Variants in ZBTB20 observed in about 807,000 individuals in gnomAD.
ZBTB20 encodes the protein zinc finger and BTB domain containing 20, also known as zinc finger and BTB domain-containing protein 20.
In ZBTB20, 9 loss-of-function variants were observed where a neutral mutation model predicts 56.9. The ratio of observed to expected loss-of-function variants is 0.16; its 90% CI spans 0.10 to 0.28. The LOEUF (loss-of-function observed/expected upper bound fraction) is 0.28, where lower values mean the gene tolerates loss of function less well. Among genes scored for constraint, ZBTB20 ranks in the 10% least tolerant of loss-of-function variants. ZBTB20 has a pLI of 1.00. For synonymous variants in ZBTB20, 417 were observed against 420.7 expected (o/e 0.99, Z 0.11); for missense variants, 655 against 1,003.0 (o/e 0.65, Z 4.69).
intron 2 of ZBTB20, among the ~76,000 whole-genome samples, chr3:115,014,282 G>C (rs772549540): frequency 6.6e-6 from 1 of 151,500 alleles, no homozygotes; most frequent in African/African-American, 2.4e-5. Context: ...TTTGGGGTAG[G>C]GGGAGAAGTG....
chr3:114,885,207 C>T (rs2948671), intron 4 of ZBTB20, among the ~76,000 whole-genome samples: 131,763 of 152,178 alleles, frequency 0.87, 58,076 homozygotes, highest in East Asian at 0.99. Context: ...TCCTCCCTTG[C>T]CACAGCTACT....
At chr3:114,792,031 C>G (rs2070993935) in intron 5 of ZBTB20, 1 of 152,056 alleles carries the variant, frequency 6.6e-6, no homozygotes, top group African/African-American at 2.4e-5. Context: ...GTGTAACACT[C>G]TTTATTGTTC....
chr3:114,347,077 GT>G lies in ZBTB20; in HGVS notation c.1804+3196del, dbSNP rs59044965. On this transcript the variant is annotated intron_variant, in intron 11 of 11. Coordinates refer to ENST00000675478, the MANE Select transcript of ZBTB20 (RefSeq NM_001348800.3). ...GAATCTTATAATTTATTCTCTTCAG[GT>G]TTTTTTTTTTTTTTTTTTTTTTTTT... Among the ~76,000 whole-genome samples, 408 of 70,740 alleles carry G rather than the reference GT, an allele frequency of 5.8e-3. 1 individual carries two copies. Among genetic ancestry groups the G allele is most frequent in the Middle Eastern group, 0.02 (2 of 102 alleles). 46.4% of individuals were successfully genotyped at this position (70,740 alleles called of 152,430 possible).
At chr3:114,699,816 C>T (rs1007017587) in intron 5 of ZBTB20, among the ~76,000 whole-genome samples, 1 of 152,046 alleles carries the variant, frequency 6.6e-6, no homozygotes, top group Non-Finnish European at 1.5e-5. Flanking sequence ...ACCTGTTCTT[C>T]TTCATTTTAT....
At chr3:114,558,610 T>C (rs1209555239) in intron 6 of ZBTB20, among the ~76,000 whole-genome samples, 3 of 152,124 alleles carry the variant, frequency 2.0e-5, no homozygotes, top group South Asian at 2.1e-4. Flanking sequence ...ACTTTGGACA[T>C]TTCTTAACTA....
At chr3:114,926,635 A>C (rs1043039677) in intron 3 of ZBTB20, among the ~76,000 whole-genome samples, 5 of 152,228 alleles carry the variant, frequency 3.3e-5, no homozygotes, top group African/African-American at 1.2e-4. Context: ...GCAGATGAAG[A>C]GGCAATAAAG....
At position 114,325,667 on chromosome 3, in the gene ZBTB20, T is replaced by C. The variant is rs528384073; in HGVS notation, c.*13338A>G. 3.3e-5 allele frequency: 5 copies of C among 152,306 alleles called. No individual in the cohort carries two copies. The South Asian group carries it at 1.0e-3, about 32-fold the overall frequency. 9.4% of individuals were successfully genotyped at this position (152,306 alleles called of 1,614,324 possible). A position where few individuals can be genotyped will look rare whatever the true frequency, so the allele number is the denominator to read the frequency against. ...AACTGGCTTTAGGAATCCAGACCTG[T>C]ATCAAATTTGGTCCCATCACATTGT... On this transcript the variant is annotated 3_prime_UTR_variant, in exon 12 of 12. Transcript: ENST00000675478.
chr3:114,629,976 C>T (rs1013921447), intron 6 of ZBTB20, among the ~76,000 whole-genome samples: 2 of 152,038 alleles, frequency 1.3e-5, no homozygotes, highest in East Asian at 1.9e-4. Flanking sequence ...GGTGAAATGC[C>T]GTTTCTACAA....
At chr3:114,968,692 T>G (rs1235203667) in intron 3 of ZBTB20, among the ~76,000 whole-genome samples, 1 of 152,212 alleles carries the variant, frequency 6.6e-6, no homozygotes, top group Non-Finnish European at 1.5e-5. Context: ...AATTCACGAA[T>G]GAACTCTGGG....
intron 5 of ZBTB20, among the ~76,000 whole-genome samples, chr3:114,738,229 A>T (rs1004870817): frequency 1.7e-4 from 26 of 152,060 alleles, no homozygotes; most frequent in Non-Finnish European, 1.8e-4. Flanking sequence ...TAAAATAACA[A>T]TTGAATTGTA....
chr3:114,806,978 C>T (rs2072152016), intron 4 of ZBTB20, among the ~76,000 whole-genome samples: 1 of 151,862 alleles, frequency 6.6e-6, no homozygotes, highest in South Asian at 2.1e-4. Context: ...GATCTGTATG[C>T]CAATATCATA....
chr3:114,442,061 C>T (rs1180103845), intron 7 of ZBTB20, among the ~76,000 whole-genome samples: 1 of 152,150 alleles, frequency 6.6e-6, no homozygotes, highest in East Asian at 1.9e-4. Context: ...ATGGAGCTCG[C>T]TGAAGACTAG....
Position 114,327,010 on chromosome 3 carries a change from A to G in ZBTB20, c.*11995T>C, listed in dbSNP as rs891263154. On this transcript the variant is annotated 3_prime_UTR_variant, in exon 12 of 12. Coordinates refer to ENST00000675478, the MANE Select transcript of ZBTB20 (RefSeq NM_001348800.3). Reference sequence around the variant, plus strand: ...AAGCTTTTCCTGGAGAAAAGAAGAAAAAAAAATCTTCCTATCCTCACGAAT... The same window carrying G: ...AAGCTTTTCCTGGAGAAAAGAAGAAGAAAAAATCTTCCTATCCTCACGAAT... 6.6e-6 allele frequency: 1 copy of G among 152,180 alleles called. No homozygotes were observed. The highest frequency in any genetic ancestry group is 1.5e-5 in the Non-Finnish European group (1 of 68,032). 9.4% of individuals were successfully genotyped at this position (152,180 alleles called of 1,614,324 possible).
At chr3:114,341,618 T>C (rs1203079135) in intron 11 of ZBTB20, among the ~76,000 whole-genome samples, 1 of 152,250 alleles carries the variant, frequency 6.6e-6, no homozygotes, top group African/African-American at 2.4e-5. Flanking sequence ...TTCTAATCTG[T>C]CTATAAATTG....
intron 2 of ZBTB20, among the ~76,000 whole-genome samples, chr3:115,007,392 CA>C (rs1468943505): frequency 6.6e-6 from 1 of 151,634 alleles, no homozygotes; most frequent in Non-Finnish European, 1.5e-5. Context: ...ATATTTTAAA[CA>C]ATGTGTTTTA....
intron 2 of ZBTB20, among the ~76,000 whole-genome samples, chr3:115,055,550 A>G (rs547889674): frequency 1.2e-4 from 19 of 152,282 alleles, no homozygotes; most frequent in African/African-American, 4.6e-4. Context: ...AACACCCACT[A>G]TGAGAAATCC....
chr3:114,414,569 T>C (rs2088321272), intron 7 of ZBTB20, among the ~76,000 whole-genome samples: 1 of 152,046 alleles, frequency 6.6e-6, no homozygotes, highest in Admixed American at 6.6e-5. Flanking sequence ...GAGCTCTGTG[T>C]CCCTCATAAC....
At chr3:114,961,175 G>A (rs1371953349) in intron 3 of ZBTB20, among the ~76,000 whole-genome samples, 1 of 148,978 alleles carries the variant, frequency 6.7e-6, no homozygotes, top group African/African-American at 2.5e-5. Flanking sequence ...GCGGTTTTAA[G>A]AGGAGATTCA....
intron 4 of ZBTB20, among the ~76,000 whole-genome samples, chr3:114,833,312 G>A (rs1280183672): frequency 6.6e-6 from 1 of 152,098 alleles, no homozygotes; most frequent in Non-Finnish European, 1.5e-5. Flanking sequence ...TCAGAAGAAA[G>A]AGAGTAACTT....
Sources: allele counts gnomAD v4.1 joint callset (sites outside exome capture counted in the v4.1 genomes callset), GRCh38; gene constraint gnomAD v4.1.1; transcripts MANE v1.5; gene names NCBI Gene and HGNC (gene_info 2026-07-23, HGNC 2026-07-21).